SYNPR: variants seen among roughly 807,000 people sequenced by gnomAD.
The protein encoded by SYNPR is synaptoporin.
A neutral mutation model predicts 32.9 loss-of-function variants in SYNPR; 23 were observed. The observed-to-expected ratio is 0.70, with a 90% confidence interval of 0.50 to 0.99. The LOEUF is 0.99. SYNPR is among the 50% of genes least tolerant of loss of function. The pLI is 0.00. For synonymous variants in SYNPR, 146 were observed against 135.9 expected, an observed-to-expected ratio of 1.07 and a Z score of -0.52; for missense variants, 318 against 349.3, an observed-to-expected ratio of 0.91 and a Z score of 0.71.
At chr3:63,435,565 G>A (rs1291636796) in intron 2 of SYNPR, among the ~76,000 whole-genome samples, 1 of 152,160 alleles carries the variant, frequency 6.6e-6, no homozygotes, top group Non-Finnish European at 1.5e-5. Flanking sequence ...GAAGGGATGT[G>A]GAACCCTGGT....
intron 2 of SYNPR, among the ~76,000 whole-genome samples, chr3:63,414,714 G>A (rs886219469): frequency 1.3e-5 from 2 of 152,222 alleles, no homozygotes; most frequent in South Asian, 2.1e-4. Context: ...AGGAGAATAT[G>A]TAAGTCTCAT....
At chr3:63,435,857 GTAA>G (rs1309516047) in intron 2 of SYNPR, among the ~76,000 whole-genome samples, 5 of 152,164 alleles carry the variant, frequency 3.3e-5, no homozygotes, top group Admixed American at 3.3e-4. Context: ...ATATGTCAGA[GTAA>G]TTCAGCATTA....
chr3:63,373,669 A>G (rs561825407), intron 2 of SYNPR, among the ~76,000 whole-genome samples: 4 of 152,230 alleles, frequency 2.6e-5, no homozygotes, highest in Non-Finnish European at 4.4e-5. Context: ...CAGGATATCT[A>G]TGAAAACTTC....
At chr3:63,416,456 C>T (rs188791424) in intron 2 of SYNPR, among the ~76,000 whole-genome samples, 20 of 147,900 alleles carry the variant, frequency 1.4e-4, no homozygotes, top group South Asian at 2.2e-4. Flanking sequence ...TGCTTGAACC[C>T]GGGACGTGGA....
intron 2 of SYNPR, among the ~76,000 whole-genome samples, chr3:63,384,615 A>T (rs925205448): frequency 3.3e-5 from 5 of 152,240 alleles, no homozygotes; most frequent in Non-Finnish European, 7.3e-5. Context: ...TTAAAAGACC[A>T]TTCATTGAAA....
intron 4 of SYNPR, among the ~76,000 whole-genome samples, chr3:63,583,104 G>A (rs1449281032): frequency 6.6e-6 from 1 of 152,074 alleles, no homozygotes; most frequent in African/African-American, 2.4e-5. Context: ...TGTTAGCAGA[G>A]AAGGTCACAA....
intron 4 of SYNPR, among the ~76,000 whole-genome samples, chr3:63,587,519 T>C (rs1453023811): frequency 6.6e-6 from 1 of 152,094 alleles, no homozygotes; most frequent in East Asian, 1.9e-4. Context: ...TTTGACAGCC[T>C]GAATTTATAT....
intron 1 of SYNPR, among the ~76,000 whole-genome samples, chr3:63,245,335 T>TA (rs1211324059): frequency 9.3e-6 from 1 of 107,254 alleles, no homozygotes; most frequent in Non-Finnish European, 2.2e-5. Flanking sequence ...TATTTTTATT[T>TA]AAAATCTGTC....
At chr3:63,437,692 G>A (rs933193135) in intron 2 of SYNPR, among the ~76,000 whole-genome samples, 4 of 151,960 alleles carry the variant, frequency 2.6e-5, no homozygotes, top group Non-Finnish European at 2.9e-5. Flanking sequence ...AAAGAAAGAA[G>A]AAAGAGAAAG....
At chr3:63,349,393 C>T (rs1022804833) in intron 2 of SYNPR, among the ~76,000 whole-genome samples, 8 of 152,330 alleles carry the variant, frequency 5.3e-5, no homozygotes, top group South Asian at 4.1e-4. Flanking sequence ...AGCCACCGCG[C>T]CTGGCCAACA....
intron 4 of SYNPR, among the ~76,000 whole-genome samples, chr3:63,586,277 CA>C (rs368641190): frequency 7.2e-5 from 10 of 138,910 alleles, no homozygotes; most frequent in African/African-American, 1.1e-4. Context: ...TGCTCATTTG[CA>C]AAAAAAAAAG....
intron 3 of SYNPR, among the ~76,000 whole-genome samples, chr3:63,540,282 T>C (rs1160513288): frequency 2.0e-5 from 3 of 152,152 alleles, no homozygotes; most frequent in African/African-American, 2.4e-5. Context: ...TGTTTAATTA[T>C]CATCTTCTAT....
chr3:63,533,947 C>T (rs1702156177), intron 3 of SYNPR, among the ~76,000 whole-genome samples: 1 of 152,156 alleles, frequency 6.6e-6, no homozygotes, highest in Non-Finnish European at 1.5e-5. Flanking sequence ...AATGTTGCTA[C>T]TGTCGATGAC....
chr3:63,403,143 A>G (rs1275678249), intron 2 of SYNPR, among the ~76,000 whole-genome samples: 1 of 152,172 alleles, frequency 6.6e-6, no homozygotes, highest in Non-Finnish European at 1.5e-5. Flanking sequence ...TCCTCCCACT[A>G]AAGCGTATTT....
intron 2 of SYNPR, among the ~76,000 whole-genome samples, chr3:63,309,278 T>G (rs2086938520): frequency 6.6e-6 from 1 of 152,030 alleles, no homozygotes; most frequent in Non-Finnish European, 1.5e-5. Flanking sequence ...GCTGTTTTCA[T>G]GTCCTTGTCT....
chr3:63,327,755 T>G (rs1480070617), intron 2 of SYNPR, among the ~76,000 whole-genome samples: 1 of 152,098 alleles, frequency 6.6e-6, no homozygotes, highest in Non-Finnish European at 1.5e-5. Flanking sequence ...GTATTAGAAG[T>G]TAGGACAGTA....
At chr3:63,420,867 G>A (rs1699786914) in intron 2 of SYNPR, among the ~76,000 whole-genome samples, 2 of 152,128 alleles carry the variant, frequency 1.3e-5, no homozygotes, top group African/African-American at 4.8e-5. Context: ...AAGATACTAA[G>A]AAGCAATTTT....
intron 2 of SYNPR, among the ~76,000 whole-genome samples, chr3:63,290,450 A>G (rs1393397040): frequency 6.6e-6 from 1 of 152,198 alleles, no homozygotes. Flanking sequence ...CTACTAATAG[A>G]CAAAGCAAAG....
At chr3:63,239,264 C>T (rs2086220574) in intron 1 of SYNPR, among the ~76,000 whole-genome samples, 1 of 98,078 alleles carries the variant, frequency 1.0e-5, no homozygotes, top group Non-Finnish European at 2.3e-5. Flanking sequence ...GTCACACACA[C>T]ATCCTACCAT....
Sources: gnomAD v4.1 joint callset for allele counts (sites outside exome capture counted in the v4.1 genomes callset) on GRCh38, gnomAD v4.1.1 for gene constraint, MANE v1.5 for transcripts, NCBI Gene and HGNC (gene_info 2026-07-23, HGNC 2026-07-21) for gene names.